Variants in TRIM50 observed in about 807,000 individuals in gnomAD.
TRIM50 encodes tripartite motif containing 50, also known as E3 ubiquitin-protein ligase TRIM50.
Under a neutral mutation model 44.9 loss-of-function variants are expected in TRIM50, and 34 were observed. That is an observed-to-expected ratio of 0.76 (90% CI 0.58 to 1.01). TRIM50 has a LOEUF of 1.01. Ranked by LOEUF, TRIM50 falls within the 50% of genes least tolerant of loss-of-function variation. TRIM50 has a pLI of 0.00. For synonymous variants in TRIM50, 307 were observed against 291.1 expected (o/e 1.05, Z -0.56); for missense variants, 633 against 663.7 (o/e 0.95, Z 0.51).
rs1804422252 is a variant in TRIM50 at position 73,318,863 on chromosome 7, G to A, written c.685C>T (p.Leu229=). The change falls in exon 4 of 7, where the codon CTG becomes TTG. Residue 229 remains leucine, a synonymous_variant. Transcript: ENST00000333149. The stretch of plus-strand genomic sequence containing the variant: ...TGGTCCTCATTGCCGAACTGTTCCA[G>A]CACACACTCGGCTTGGGCCAGCCGC... ...RERLAQAECV[L]EQFGNEDHHK... 1.9e-6 allele frequency: 3 copies of A among 1,613,952 alleles called. No homozygotes were observed. The highest frequency in any genetic ancestry group is 2.5e-6 in the Non-Finnish European group (3 of 1,179,870).
intron 1 of TRIM50, among the ~76,000 whole-genome samples, chr7:73,327,572 G>A (rs1246594738): frequency 6.6e-6 from 1 of 152,240 alleles, no homozygotes; most frequent in Non-Finnish European, 1.5e-5. Flanking sequence ...GAAGGTGGAA[G>A]TAACCCACAG....
intron 1 of TRIM50, among the ~76,000 whole-genome samples, chr7:73,326,039 C>T (rs1804616046): frequency 6.6e-6 from 1 of 152,128 alleles, no homozygotes; most frequent in South Asian, 2.1e-4. Context: ...AGGTGCATGC[C>T]ACCATGCCAA....
Position 73,313,171 on chromosome 7 carries a change from AG to A in TRIM50, c.1213del (p.Leu405CysfsTer111). Reference sequence around the variant, plus strand: ...GCGGTGGGGGTGGCCGGCCACGGGCAGGGGTACCCGGGGGCAGGCAAAGGCT... The same window carrying A: ...GCGGTGGGGGTGGCCGGCCACGGGCAGGGTACCCGGGGGCAGGCAAAGGCT... ...YEAFACPRVP[L>X]PVAGHPHRIG... On this transcript the variant is annotated frameshift_variant, in exon 7 of 7. Coordinates refer to ENST00000333149, the MANE Select transcript of TRIM50 (RefSeq NM_178125.3). LOFTEE classifies it high-confidence loss of function. This position sits in a 1 kb window ranked among gnomAD's most constrained non-coding sequence, Gnocchi z 4.9. The A allele has an allele frequency of 6.3e-7, 1 of 1,589,058 alleles. No individual in the cohort carries two copies. The highest frequency in any genetic ancestry group is 1.1e-5 in the South Asian group (1 of 87,622).
intron 6 of TRIM50, among the ~76,000 whole-genome samples, chr7:73,316,302 G>A (rs1218032998): frequency 6.6e-6 from 1 of 152,202 alleles, no homozygotes; most frequent in Non-Finnish European, 1.5e-5. Context: ...TCTGCAGCCT[G>A]GCCGGGTGGG....
Position 73,316,549 on chromosome 7 carries a change from CG to C in TRIM50, c.874+15del. On this transcript the variant is annotated intron_variant, in intron 6 of 6. Coordinates refer to ENST00000333149, the MANE Select transcript of TRIM50 (RefSeq NM_178125.3). ...GGGCGGCAGCCCTCAGGAAGGAGGA[CG>C]GGTCAGGGCCTCACCTGGCAAAACT... 6.2e-7 allele frequency: 1 copy of C among 1,613,468 alleles called. No individual in the cohort carries two copies.
intron 2 of TRIM50, among the ~76,000 whole-genome samples, chr7:73,323,532 T>C (rs1416366515): frequency 6.6e-6 from 1 of 152,202 alleles, no homozygotes; most frequent in African/African-American, 2.4e-5. Context: ...ACAGGTGTTT[T>C]ATATATATAA....
chr7:73,319,645 G>A (rs1554544772), intron 3 of TRIM50, among the ~76,000 whole-genome samples: 1 of 152,220 alleles, frequency 6.6e-6, no homozygotes, highest in Non-Finnish European at 1.5e-5. Flanking sequence ...AATGAGGGAG[G>A]CTGAGTGCTC....
chr7:73,321,024 CAA>C (rs1173613197), intron 2 of TRIM50, among the ~76,000 whole-genome samples: 8 of 84,954 alleles, frequency 9.4e-5, no homozygotes, highest in African/African-American at 9.3e-5. Context: ...AACTCCGTCT[CAA>C]AAAAAAAAAA....
Position 73,313,056 on chromosome 7 carries a change from C to T in TRIM50, c.1329G>A (p.Gln443=), listed in dbSNP as rs1554543239. 3 of 1,582,644 alleles carry T rather than the reference C, an allele frequency of 1.9e-6. No individual in the cohort carries two copies. The highest frequency in any genetic ancestry group is 2.6e-6 in the Non-Finnish European group (3 of 1,164,726). The change falls in exon 7 of 7, where the codon CAG becomes CAA. Residue 443 remains glutamine, a synonymous_variant. Transcript: ENST00000333149. The surrounding 1 kb of genome is among the most constrained non-coding windows in gnomAD (Gnocchi z 4.9). Reference sequence around the variant, plus strand: ...GGTAGAGCTTGCCCTGGAAGTCGGCCTGGAAGGTGTAGAGCGGCCGCAGGT... The same window carrying T: ...GGTAGAGCTTGCCCTGGAAGTCGGCTTGGAAGGTGTAGAGCGGCCGCAGGT... ...PDDLRPLYTF[Q]ADFQGKLYPI...
In TRIM50 at chr7:73,313,104, G is replaced by T; in HGVS notation, c.1281C>A (p.Phe427Leu). ...YLHYEQGELT[F>L]FDADRPDDLR... Reference sequence around the variant, plus strand: ...GGTCATCGGGGCGGTCGGCATCGAAGAAGGTGAGTTCGCCCTGCTCATAGT... The same window carrying T: ...GGTCATCGGGGCGGTCGGCATCGAATAAGGTGAGTTCGCCCTGCTCATAGT... The change falls in exon 7 of 7, where the codon TTC becomes TTA. Residue 427 changes from phenylalanine (F) to leucine (L), a missense_variant. Coordinates refer to ENST00000333149, the MANE Select transcript of TRIM50 (RefSeq NM_178125.3). The surrounding 1 kb of genome is among the most constrained non-coding windows in gnomAD (Gnocchi z 4.9). 1 of 1,594,570 alleles carries T rather than the reference G, an allele frequency of 6.3e-7. No homozygotes were observed.
chr7:73,324,346 C>T (rs781904049), intron 2 of TRIM50, 43 bp downstream of exon 2: 1 of 1,613,522 alleles, frequency 6.2e-7, no homozygotes, highest in East Asian at 2.2e-5. Context: ...AGGATCTGGT[C>T]CCCGCGGGCC....
chr7:73,315,496 C>T (rs1554543921), intron 6 of TRIM50, among the ~76,000 whole-genome samples: 1 of 151,830 alleles, frequency 6.6e-6, no homozygotes, highest in East Asian at 1.9e-4. Flanking sequence ...AGTAGCTGGG[C>T]CCACAGGCAC....
At chr7:73,315,053 G>A in intron 6 of TRIM50, 1 of 339,868 alleles carries the variant, frequency 2.9e-6, no homozygotes, top group Non-Finnish European at 5.6e-6. Context: ...GAAGACAAAG[G>A]AGCTTGGGCT....
At chr7:73,323,362 G>C (rs782269545) in intron 2 of TRIM50, among the ~76,000 whole-genome samples, 2 of 152,162 alleles carry the variant, frequency 1.3e-5, no homozygotes, top group Non-Finnish European at 2.9e-5. Context: ...AGTGGCCACT[G>C]TGCCTGGCCA....
chr7:73,324,503 C>T lies in TRIM50; in HGVS notation c.285G>A (p.Pro95=), dbSNP rs781816883. Residue 95 remains proline, a synonymous_variant, in exon 2 of 7, where the codon CCG becomes CCA. Transcript: ENST00000333149. ...GGTCCTTCTCGCAGAAAAGGCTGAG[C>T]GGGTTCCGGTGGTGCACGCAGACCT... ...EPKVCVHHRN[P]LSLFCEKDQE... The T allele has an allele frequency of 5.0e-6, 8 of 1,613,860 alleles. No homozygotes were observed. The highest frequency in any genetic ancestry group is 2.2e-5 in the East Asian group (1 of 44,880).
At position 73,312,841 on chromosome 7, in the gene TRIM50, A is replaced by G. The variant is rs1267469413; in HGVS notation, c.*80T>C. 8.8e-7 allele frequency: 1 copy of G among 1,140,794 alleles called. No individual in the cohort carries two copies. Among genetic ancestry groups the G allele is most frequent in the Non-Finnish European group, 1.2e-6 (1 of 827,848 alleles). 70.7% of individuals were successfully genotyped at this position (1,140,794 alleles called of 1,614,324 possible). A position where few individuals can be genotyped will look rare whatever the true frequency, so the allele number is the denominator to read the frequency against. On this transcript the variant is annotated 3_prime_UTR_variant, in exon 7 of 7. Coordinates refer to ENST00000333149, the MANE Select transcript of TRIM50 (RefSeq NM_178125.3). ...TCCTAAACAGTGACGATATCACCTC[A>G]GGCGGGACCCAGCAGAAGCCCGCGA...
intron 2 of TRIM50, among the ~76,000 whole-genome samples, chr7:73,320,982 C>A (rs1225292436): frequency 8.7e-5 from 13 of 149,880 alleles, no homozygotes; most frequent in Non-Finnish European, 1.8e-4. Context: ...CAAGATCGCG[C>A]CATTGCACTC....
At chr7:73,320,030 T>C (rs1804456810) in intron 3 of TRIM50, 117 bp downstream of exon 3, 4 of 1,565,254 alleles carry the variant, frequency 2.6e-6, no homozygotes, top group South Asian at 1.1e-5. Flanking sequence ...GGGAATGCTT[T>C]GAGTTCTGGC....
intron 2 of TRIM50, among the ~76,000 whole-genome samples, chr7:73,321,621 AC>A (rs1804497995): frequency 6.6e-6 from 1 of 152,172 alleles, no homozygotes; most frequent in African/African-American, 2.4e-5. Flanking sequence ...GCCAACCGGG[AC>A]CCCTGGACCA....
Sources: gnomAD v4.1 joint callset for allele counts (sites outside exome capture counted in the v4.1 genomes callset) on GRCh38, gnomAD v4.1.1 for gene constraint, Gnocchi (gnomAD v3.1) non-coding constraint, MANE v1.5 for transcripts, NCBI Gene and HGNC (gene_info 2026-07-23, HGNC 2026-07-21) for gene names.